RBFOX1: variants seen among roughly 807,000 people sequenced by gnomAD.
The protein encoded by RBFOX1 is RNA binding protein fox-1 homolog 1.
In RBFOX1, 8 loss-of-function variants were observed where a neutral mutation model predicts 57.7. The ratio of observed to expected loss-of-function variants is 0.14; its 90% CI spans 0.08 to 0.25. RBFOX1 has a LOEUF of 0.25. Ranked by LOEUF, RBFOX1 falls within the 10% of genes least tolerant of loss-of-function variation. RBFOX1 has a pLI of 1.00. For synonymous variants in RBFOX1, 326 were observed against 222.4 expected (o/e 1.47, Z -4.15); for missense variants, 611 against 548.5 (o/e 1.11, Z -1.14).
At chr16:7,137,590 C>G (rs1008298382) in intron 4 of RBFOX1, among the ~76,000 whole-genome samples, 28 of 152,242 alleles carry the variant, frequency 1.8e-4, no homozygotes, top group Admixed American at 1.4e-3. Flanking sequence ...ATACATTACC[C>G]AGTCTCAGGT....
At chr16:5,816,346 G>T (rs1372238815) in intron 3 of RBFOX1, among the ~76,000 whole-genome samples, 2 of 152,042 alleles carry the variant, frequency 1.3e-5, no homozygotes, top group Non-Finnish European at 2.9e-5. Flanking sequence ...AGGTACTTTG[G>T]ATTCTTACTG....
At chr16:6,188,936 A>G (rs1241413683) in intron 1 of RBFOX1, among the ~76,000 whole-genome samples, 1 of 152,212 alleles carries the variant, frequency 6.6e-6, no homozygotes, top group East Asian at 1.9e-4. Flanking sequence ...GTTGAAAGAA[A>G]TTTTGCAGTG....
Position 5,798,300 on chromosome 16 carries a change from A to G in RBFOX1, c.319-69003A>G, listed in dbSNP as rs141004074. 2.6e-4 allele frequency among the ~76,000 whole-genome samples: 40 copies of G among 152,288 alleles called. 1 individual carries two copies. The East Asian group carries it at 6.9e-3, about 26-fold the overall frequency. On this transcript the variant is annotated intron_variant, in intron 3 of 19. Coordinates refer to the RBFOX1 transcript ENST00000641259. ...TGGCCTCACATAATTCAAACAACAC[A>G]TTACGATACAGCTGATCTTCCAAGC...
chr16:7,546,025 A>AAG (rs1555576486), intron 5 of RBFOX1, among the ~76,000 whole-genome samples: 33 of 148,686 alleles, frequency 2.2e-4, no homozygotes, highest in African/African-American at 7.5e-4. Context: ...AAAAAAAAAA[A>AAG]AAAAAGAAAA....
intron 1 of RBFOX1, among the ~76,000 whole-genome samples, chr16:5,390,129 T>C (rs1489222110): frequency 1.3e-5 from 2 of 152,184 alleles, no homozygotes; most frequent in East Asian, 1.9e-4. Context: ...ATTCTAACAC[T>C]GATGAAGTCG....
intron 2 of RBFOX1, among the ~76,000 whole-genome samples, chr16:5,474,277 A>G (rs140345043): frequency 2.0e-5 from 3 of 152,340 alleles, no homozygotes; most frequent in African/African-American, 7.2e-5. Flanking sequence ...CACTTACACT[A>G]TAGGCTGAGA....
chr16:7,158,196 A>G (rs1052486182), intron 4 of RBFOX1, among the ~76,000 whole-genome samples: 2 of 152,064 alleles, frequency 1.3e-5, no homozygotes, highest in African/African-American at 4.8e-5. Flanking sequence ...AAATACAAAA[A>G]TTAGCCGAGC....
chr16:7,419,195 C>T (rs1314374255), intron 4 of RBFOX1, among the ~76,000 whole-genome samples: 1 of 152,172 alleles, frequency 6.6e-6, no homozygotes, highest in Non-Finnish European at 1.5e-5. Flanking sequence ...AGCGTGAGCA[C>T]CACCACCGTC....
At chr16:6,761,190 C>G (rs1978289) in intron 3 of RBFOX1, among the ~76,000 whole-genome samples, 136,037 of 152,108 alleles carry the variant, frequency 0.89, 61,079 homozygotes, top group Middle Eastern at 0.95. Context: ...TATTTTAGAA[C>G]TAAAGGAGGC....
chr16:7,380,390 A>G (rs1044381788), intron 4 of RBFOX1, among the ~76,000 whole-genome samples: 8 of 152,340 alleles, frequency 5.3e-5, no homozygotes, highest in Admixed American at 5.2e-4. Flanking sequence ...TAGAACATAT[A>G]TGCTTAATAT....
At chr16:7,448,800 C>T (rs1216380886) in intron 4 of RBFOX1, among the ~76,000 whole-genome samples, 1 of 152,108 alleles carries the variant, frequency 6.6e-6, no homozygotes, top group Non-Finnish European at 1.5e-5. Context: ...ACCTAATCTT[C>T]TTGTAAGGGC....
intron 1 of RBFOX1, among the ~76,000 whole-genome samples, chr16:6,095,981 G>C (rs745878652): frequency 7.2e-5 from 11 of 152,186 alleles, no homozygotes; most frequent in Non-Finnish European, 1.6e-4. Flanking sequence ...GGCCACGATG[G>C]GGAAGAGCCT....
intron 3 of RBFOX1, among the ~76,000 whole-genome samples, chr16:6,909,328 C>A (rs8047057): frequency 0.46 from 69,400 of 151,988 alleles, 16,411 homozygotes; most frequent in East Asian, 0.61. Context: ...CTCTGGTCTT[C>A]CTCTTGTAAG....
chr16:7,614,516 A>C (rs552782519), intron 10 of RBFOX1: 12 of 152,236 alleles, frequency 7.9e-5, no homozygotes, highest in Admixed American at 7.9e-4. Context: ...TATGTGCTAA[A>C]AACTGCATTT....
chr16:7,177,914 A>G (rs541187106), intron 4 of RBFOX1, among the ~76,000 whole-genome samples: 1 of 152,292 alleles, frequency 6.6e-6, no homozygotes, highest in Admixed American at 6.5e-5. Flanking sequence ...GTTCTAGTGT[A>G]GTTTTTCCTT....
intron 1 of RBFOX1, among the ~76,000 whole-genome samples, chr16:5,424,396 T>G (rs181721757): frequency 6.6e-6 from 1 of 152,208 alleles, no homozygotes; most frequent in Non-Finnish European, 1.5e-5. Context: ...TTGGGCAATT[T>G]GCTTAATCTT....
chr16:7,405,078 C>T (rs766085193), intron 4 of RBFOX1, among the ~76,000 whole-genome samples: 1 of 152,212 alleles, frequency 6.6e-6, no homozygotes, highest in Non-Finnish European at 1.5e-5. Flanking sequence ...GCAGTGCATG[C>T]TTGCCAGGTT....
At chr16:6,497,100 G>A (rs1314890934) in intron 2 of RBFOX1, among the ~76,000 whole-genome samples, 3 of 152,192 alleles carry the variant, frequency 2.0e-5, no homozygotes, top group Non-Finnish European at 4.4e-5. Context: ...TTTTACAGAT[G>A]AGGGAGCAAT....
At chr16:6,913,470 C>T (rs1037669105) in intron 3 of RBFOX1, among the ~76,000 whole-genome samples, 16 of 152,130 alleles carry the variant, frequency 1.1e-4, no homozygotes, top group African/African-American at 3.6e-4. Context: ...ATGTTGCCAT[C>T]GGCCTTCTTC....
Sources: allele counts gnomAD v4.1 joint callset (sites outside exome capture counted in the v4.1 genomes callset), GRCh38; gene constraint gnomAD v4.1.1; transcripts MANE v1.5; gene names NCBI Gene and HGNC (gene_info 2026-07-23, HGNC 2026-07-21).